Variants in NAGA observed in about 807,000 individuals in gnomAD.
NAGA encodes the protein alpha-N-acetylgalactosaminidase.
A neutral mutation model predicts 45.6 loss-of-function variants in NAGA; 42 were observed. The ratio of observed to expected loss-of-function variants is 0.92; its 90% CI spans 0.72 to 1.19. NAGA has a LOEUF of 1.19. NAGA is among the 50% of genes most tolerant of loss of function. NAGA has a pLI of 0.00. For synonymous variants in NAGA, 176 were observed against 203.1 expected, an observed-to-expected ratio of 0.87 and a Z score of 1.13; for missense variants, 493 against 544.8, an observed-to-expected ratio of 0.90 and a Z score of 0.95.
intron 3 of NAGA, 117 bp from the exon 4 acceptor site, chr22:42,067,407 TC>T: frequency 7.6e-7 from 1 of 1,311,436 alleles, no homozygotes; most frequent in Non-Finnish European, 1.1e-6. Context: ...AAGGAGATGG[TC>T]CCAGCATGCT....
intron 8 of NAGA, 84 bp from the exon 9 acceptor site, chr22:42,060,497 T>A: frequency 1.3e-6 from 2 of 1,591,394 alleles, no homozygotes; most frequent in South Asian, 2.2e-5. Flanking sequence ...AGAAGCCTTC[T>A]GCCTGGACTT....
At chr22:42,069,619 CAA>C (rs60526991) in intron 1 of NAGA, among the ~76,000 whole-genome samples, 47,888 of 92,566 alleles carry the variant, frequency 0.52, 8,310 homozygotes, top group Admixed American at 0.58. Context: ...GACTCCGTCT[CAA>C]AAAAAAAAAA....
chr22:42,062,419 T>G (rs755534484), intron 7 of NAGA, among the ~76,000 whole-genome samples: 12 of 152,106 alleles, frequency 7.9e-5, no homozygotes, highest in Non-Finnish European at 1.3e-4. Flanking sequence ...TGAGTCGAAA[T>G]TGTGCCACTG....
chr22:42,064,880 G>T (rs552182425), intron 6 of NAGA, among the ~76,000 whole-genome samples: 1 of 152,286 alleles, frequency 6.6e-6, no homozygotes. Flanking sequence ...CAGCTGAATG[G>T]ACCAAGGGGG....
Position 42,068,429 on chromosome 22 carries a change from CCTTA to C in NAGA, c.152+6_152+9del. On this transcript the variant is annotated splice_donor_region_variant and intron_variant, in intron 2 of 8. Transcript: ENST00000396398. ...GCAAGGCTCATCAGGTGAGTGTGGACCTTACTCACCTTATGCAGTTCTTTGGGTC... is the reference window on the plus strand; with the variant it reads ...GCAAGGCTCATCAGGTGAGTGTGGACCTCACCTTATGCAGTTCTTTGGGTC... 1.2e-6 allele frequency: 2 copies of C among 1,614,132 alleles called. No individual in the cohort carries two copies. The highest frequency in any genetic ancestry group is 2.2e-5 in the South Asian group (2 of 91,082).
intron 4 of NAGA, 118 bp from the exon 5 acceptor site, chr22:42,066,922 C>G (rs1337668260): frequency 1.5e-6 from 2 of 1,367,590 alleles, no homozygotes; most frequent in African/African-American, 2.9e-5. Flanking sequence ...AGGTGCCTCC[C>G]CACATACCCA....
chr22:42,064,476 TAAAA>T (rs133365), intron 6 of NAGA, among the ~76,000 whole-genome samples: 2 of 126,094 alleles, frequency 1.6e-5, no homozygotes, highest in Non-Finnish European at 3.3e-5. Context: ...CCATCTCTAC[TAAAA>T]AAAAAAAAAA....
rs1926798065 is a variant in NAGA, at chr22:42,067,300, T to A, written c.325-10A>T. ...GGCCCAGGGAGTGAACCTGTGGGGGTTTGAGGACACAGTGGGCTCAAGCAG... is the reference window on the plus strand; with the variant it reads ...GGCCCAGGGAGTGAACCTGTGGGGGATTGAGGACACAGTGGGCTCAAGCAG... On this transcript the variant is annotated splice_polypyrimidine_tract_variant and intron_variant, in intron 3 of 8. Coordinates refer to ENST00000396398, the MANE Select transcript of NAGA (RefSeq NM_000262.3). 1 of 1,613,718 alleles carries A rather than the reference T, an allele frequency of 6.2e-7. No individual in the cohort carries two copies.
At position 42,065,832 on chromosome 22, in the gene NAGA, C is replaced by T. The variant is rs1926691614; in HGVS notation, c.665G>A (p.Trp222Ter). 2 of 1,614,068 alleles carry T rather than the reference C, an allele frequency of 1.2e-6. No homozygotes were observed. The highest frequency in any genetic ancestry group is 2.2e-5 in the South Asian group (2 of 91,082). ...WRNYDDIQDS[W>*]WSVLSILNWF... ...ATTCAGGATGGAGAGCACGCTCCAC[C>T]AGGAGTCCTGGATGTCATCATAGTT... Residue 222 changes from tryptophan to a stop codon, truncating the protein, a stop_gained, in exon 6 of 9, where the codon TGG becomes TAG. Transcript: ENST00000396398. LOFTEE classifies it high-confidence loss of function.
chr22:42,066,669 G>A, intron 5 of NAGA, 41 bp downstream of exon 5: 2 of 1,535,860 alleles, frequency 1.3e-6, no homozygotes, highest in Non-Finnish European at 1.8e-6. Context: ...AGGAGGCCTG[G>A]GTGTGGGAAG....
intron 7 of NAGA, among the ~76,000 whole-genome samples, chr22:42,061,829 G>A (rs1926412828): frequency 6.6e-6 from 1 of 151,636 alleles, no homozygotes; most frequent in Non-Finnish European, 1.5e-5. Context: ...GCGCACACCT[G>A]TAATCCCAGC....
Position 42,067,838 on chromosome 22 carries a change from C to T in NAGA, c.251G>A (p.Gly84Asp), listed in dbSNP as rs1926836002. 6.2e-7 allele frequency: 1 copy of T among 1,612,834 alleles called. No homozygotes were observed. The highest frequency in any genetic ancestry group is 8.5e-7 in the Non-Finnish European group (1 of 1,179,950). ...CATCAGGCGGCCACTGGCATCGCGACCACCGATCCAGCAGTCATCAATGTT... is the reference window on the plus strand; with the variant it reads ...CATCAGGCGGCCACTGGCATCGCGATCACCGATCCAGCAGTCATCAATGTT... Reference protein sequence around the residue: ...YLNIDDCWIGGRDASGRLMPD... With the variant: ...YLNIDDCWIGDRDASGRLMPD... Residue 84 changes from glycine to aspartate, a missense_variant, in exon 3 of 9, where the codon GGT becomes GAT. Gly to Asp is a moderately conservative substitution (Grantham distance 94, BLOSUM62 -1). Transcript: ENST00000396398.
intron 7 of NAGA, 95 bp downstream of exon 7, chr22:42,062,732 C>G (rs113679162): frequency 4.2e-6 from 6 of 1,427,498 alleles, no homozygotes; most frequent in Non-Finnish European, 3.9e-6. Flanking sequence ...ACTCCTGTAC[C>G]TCGCCAGGTG....
In NAGA at chr22:42,068,484, A is replaced by G; in HGVS notation, c.107T>C (p.Phe36Ser). The change falls in exon 2 of 9, where the codon TTC becomes TCC. Residue 36 changes from phenylalanine (F) to serine (S), a missense_variant. Physicochemically the swap from Phe to Ser is radical, Grantham distance 155. Transcript: ENST00000396398. ...PPMGWLAWERFRCNINCDEDP... is the reference protein window; with the variant it reads ...PPMGWLAWERSRCNINCDEDP... ...CTCATCACAGTTAATGTTGCAGCGG[A>G]AGCGTTCCCAGGCCAGCCAGCCCAT... 1 of 1,614,152 alleles carries G rather than the reference A, an allele frequency of 6.2e-7. No homozygotes were observed. Among genetic ancestry groups the G allele is most frequent in the South Asian group, 1.1e-5 (1 of 91,084 alleles).
rs1170291158 is a variant in NAGA at position 42,063,137 on chromosome 22, C to T, written c.760-113G>A. 5.4e-6 allele frequency: 6 copies of T among 1,108,076 alleles called. No homozygotes were observed. The East Asian group carries it at 1.3e-4, about 24-fold the overall frequency. The allele number at this position is 1,108,076 out of a possible 1,614,324, so 68.6% of individuals were successfully genotyped here. On this transcript the variant is annotated intron_variant, in intron 6 of 8. Transcript: ENST00000396398. ...GCAATTAGGGATTAGGGAAAGATGG[C>T]TGTATGTGGAGGAGGCCTGGTTCAG...
chr22:42,063,481 G>T (rs986532276), intron 6 of NAGA, among the ~76,000 whole-genome samples: 22 of 151,930 alleles, frequency 1.4e-4, no homozygotes, highest in African/African-American at 4.6e-4. Context: ...GGCCCTAGGA[G>T]TTAAAAAAAA....
chr22:42,063,618 C>T (rs2413666), intron 6 of NAGA, among the ~76,000 whole-genome samples: 94,581 of 152,214 alleles, frequency 0.62, 29,937 homozygotes, highest in East Asian at 0.85. Context: ...CCTCCAGTCA[C>T]GTTTCCCACG....
chr22:42,066,006 A>C, intron 5 of NAGA, 107 bp from the exon 6 acceptor site: 1 of 1,411,000 alleles, frequency 7.1e-7, no homozygotes. Context: ...AGAGTGGGGA[A>C]GAGGGAAGAG....
At chr22:42,068,114 G>C (rs1926852724) in intron 2 of NAGA, among the ~76,000 whole-genome samples, 178 bp from the exon 3 acceptor site, 1 of 152,216 alleles carries the variant, frequency 6.6e-6, no homozygotes. Context: ...AAGCTGGCTT[G>C]AAAGGAGTGG....
Sources: allele counts gnomAD v4.1 joint callset (sites outside exome capture counted in the v4.1 genomes callset), GRCh38; gene constraint gnomAD v4.1.1; transcripts MANE v1.5; gene names NCBI Gene and HGNC (gene_info 2026-07-23, HGNC 2026-07-21).